The following SLX4IP variants were observed in gnomAD, a reference collection of about 807,000 sequenced individuals.
The protein encoded by SLX4IP is SLX4 interacting protein, also known as protein SLX4IP.
In SLX4IP, 34 loss-of-function variants were observed where a neutral mutation model predicts 32.9. The ratio of observed to expected loss-of-function variants is 1.03; its 90% CI spans 0.79 to 1.38. SLX4IP has a LOEUF of 1.38. Ranked by LOEUF, SLX4IP falls within the 40% of genes most tolerant of loss-of-function variation. SLX4IP has a pLI of 0.00. For missense variants in SLX4IP, 444 were observed against 479.0 expected (o/e 0.93, Z 0.68); for synonymous variants, 172 against 171.7 (o/e 1.00, Z -0.01).
chr20:10,492,221 T>A (rs2065629239), intron 2 of SLX4IP, among the ~76,000 whole-genome samples: 1 of 152,216 alleles, frequency 6.6e-6, no homozygotes, highest in African/African-American at 2.4e-5. Context: ...ACAGAAATAC[T>A]GGCTGCTGTA....
Position 10,497,028 on chromosome 20 carries a change from A to G in SLX4IP, c.27+38797A>G, listed in dbSNP as rs188458932. ...ATTTTTTCAATCAGAAGTTAAGTGT[A>G]TGTATCTATGTGTGTGTGTTTCTTT... On this transcript the variant is annotated intron_variant, in intron 2 of 7. Transcript: ENST00000334534. 2.6e-5 allele frequency among the ~76,000 whole-genome samples: 4 copies of G among 152,302 alleles called. No individual in the cohort carries two copies. The East Asian group carries it at 7.7e-4, about 29-fold the overall frequency.
intron 4 of SLX4IP, among the ~76,000 whole-genome samples, chr20:10,572,538 A>G (rs920614421): frequency 6.6e-6 from 1 of 152,166 alleles, no homozygotes; most frequent in Admixed American, 6.5e-5. Context: ...TTTTGTCTAA[A>G]TAGGGTTCAG....
At chr20:10,603,266 A>G (rs2066864839) in intron 6 of SLX4IP, among the ~76,000 whole-genome samples, 1 of 152,240 alleles carries the variant, frequency 6.6e-6, no homozygotes, top group Non-Finnish European at 1.5e-5. Flanking sequence ...AATACTTAGT[A>G]TCTTAAATTA....
intron 1 of SLX4IP, among the ~76,000 whole-genome samples, chr20:10,441,651 C>G (rs1451819070): frequency 6.6e-6 from 1 of 151,766 alleles, no homozygotes. Context: ...CATTTAGTGA[C>G]AAAGGATTTT....
intron 2 of SLX4IP, among the ~76,000 whole-genome samples, chr20:10,497,748 C>G (rs1359027851): frequency 1.3e-5 from 2 of 152,004 alleles, no homozygotes; most frequent in African/African-American, 4.8e-5. Flanking sequence ...TTGTTGGTCA[C>G]TTTTCTTAAT....
intron 2 of SLX4IP, among the ~76,000 whole-genome samples, chr20:10,500,876 A>G (rs1242609082): frequency 6.6e-6 from 1 of 152,204 alleles, no homozygotes; most frequent in Non-Finnish European, 1.5e-5. Context: ...GTTTTGTTTT[A>G]TGGATAATGT....
intron 6 of SLX4IP, among the ~76,000 whole-genome samples, chr20:10,611,832 C>T (rs945021405): frequency 2.0e-5 from 3 of 152,198 alleles, no homozygotes; most frequent in African/African-American, 7.2e-5. Context: ...CCAAATATCA[C>T]AGTCAGGTAG....
chr20:10,533,398 G>T (rs1412064407), intron 2 of SLX4IP, among the ~76,000 whole-genome samples: 1 of 151,796 alleles, frequency 6.6e-6, no homozygotes, highest in African/African-American at 2.4e-5. Flanking sequence ...CACCTCCTCG[G>T]GCTCAAGTGA....
At chr20:10,569,039 G>A (rs142677074) in intron 4 of SLX4IP, among the ~76,000 whole-genome samples, 161 of 152,290 alleles carry the variant, frequency 1.1e-3, no homozygotes, top group African/African-American at 3.8e-3. Context: ...TTTAAAGGAT[G>A]CACTTGTAAC....
intron 2 of SLX4IP, among the ~76,000 whole-genome samples, chr20:10,502,375 G>A (rs34756323): frequency 5.3e-5 from 8 of 151,900 alleles, no homozygotes; most frequent in African/African-American, 2.4e-5. Flanking sequence ...ATCACTCCTC[G>A]GCTCCAATGC....
intron 6 of SLX4IP, chr20:10,613,814 C>T: frequency 6.2e-7 from 1 of 1,612,448 alleles, no homozygotes; most frequent in Non-Finnish European, 8.5e-7. Flanking sequence ...CCTTGAAGTC[C>T]AGATAGGCCT....
At position 10,458,652 on chromosome 20, in the gene SLX4IP, G is replaced by A. The variant is rs1040947144; in HGVS notation, c.27+421G>A. Reference sequence around the variant, plus strand: ...CTTGCATTAGTTTGTTGAGGATAATGCCTTCCAGCTCCATCCACGTCCCTG... The same window carrying A: ...CTTGCATTAGTTTGTTGAGGATAATACCTTCCAGCTCCATCCACGTCCCTG... On this transcript the variant is annotated intron_variant, in intron 2 of 7. Coordinates refer to ENST00000334534, the MANE Select transcript of SLX4IP (RefSeq NM_001009608.3). 7.2e-5 allele frequency among the ~76,000 whole-genome samples: 11 copies of A among 152,182 alleles called. No individual in the cohort carries two copies. In the East Asian group the frequency reaches 1.9e-3, roughly 27 times the overall value.
At chr20:10,447,015 T>G (rs1600879967) in intron 1 of SLX4IP, among the ~76,000 whole-genome samples, 1 of 152,254 alleles carries the variant, frequency 6.6e-6, no homozygotes, top group South Asian at 2.1e-4. Context: ...CATAAAAATA[T>G]CCTCTGAAAG....
intron 2 of SLX4IP, among the ~76,000 whole-genome samples, chr20:10,540,096 TTTCCTTCCTTCC>T (rs61054747): frequency 0.049 from 5,420 of 111,748 alleles, 370 homozygotes; most frequent in African/African-American, 0.15. Flanking sequence ...CCTTCCTTCC[TTTCCTTCCTTCC>T]TTCCTTCCTT....
chr20:10,482,272 T>G (rs2065529569), intron 2 of SLX4IP, among the ~76,000 whole-genome samples: 1 of 152,208 alleles, frequency 6.6e-6, no homozygotes, highest in Non-Finnish European at 1.5e-5. Flanking sequence ...TGTTTCCTTT[T>G]GGGTTGGACA....
At chr20:10,503,573 C>T (rs1307841229) in intron 2 of SLX4IP, among the ~76,000 whole-genome samples, 2 of 152,204 alleles carry the variant, frequency 1.3e-5, no homozygotes, top group Admixed American at 6.5e-5. Context: ...GACATGACTT[C>T]GTTTCTTAGC....
intron 4 of SLX4IP, among the ~76,000 whole-genome samples, chr20:10,580,273 T>G (rs1022059228): frequency 1.4e-4 from 21 of 152,084 alleles, no homozygotes; most frequent in African/African-American, 5.1e-4. Flanking sequence ...CTCTCTATTA[T>G]TCTATGCATT....
At chr20:10,581,618 G>A (rs2066586981) in intron 4 of SLX4IP, among the ~76,000 whole-genome samples, 1 of 152,132 alleles carries the variant, frequency 6.6e-6, no homozygotes, top group African/African-American at 2.4e-5. Flanking sequence ...GGACTTTCTA[G>A]TAAAACAAAG....
intron 2 of SLX4IP, among the ~76,000 whole-genome samples, chr20:10,534,041 A>G (rs2066014668): frequency 6.6e-6 from 1 of 151,814 alleles, no homozygotes; most frequent in Non-Finnish European, 1.5e-5. Context: ...TGGGAGGGAG[A>G]GTCTGCATGT....
Sources: gnomAD v4.1 joint callset for allele counts (sites outside exome capture counted in the v4.1 genomes callset) on GRCh38, gnomAD v4.1.1 for gene constraint, MANE v1.5 for transcripts, NCBI Gene and HGNC (gene_info 2026-07-23, HGNC 2026-07-21) for gene names.